Variants in SLC25A21 observed in about 807,000 individuals in gnomAD.
The protein encoded by SLC25A21 is solute carrier family 25 member 21.
Under a neutral mutation model 43.8 loss-of-function variants are expected in SLC25A21, and 47 were observed. The observed-to-expected ratio is 1.07, with a 90% CI of 0.85 to 1.37. The LOEUF (loss-of-function observed/expected upper bound fraction) is 1.37. Among genes scored for constraint, SLC25A21 ranks in the 40% most tolerant of loss-of-function variants. SLC25A21 has a pLI of 0.00. For synonymous variants in SLC25A21, 131 were observed against 121.3 expected, an observed-to-expected ratio of 1.08 and a Z score of -0.52; for missense variants, 352 against 350.2, an observed-to-expected ratio of 1.00 and a Z score of -0.04.
At chr14:36,935,386 T>C (rs1892396207) in intron 1 of SLC25A21, among the ~76,000 whole-genome samples, 1 of 152,182 alleles carries the variant, frequency 6.6e-6, no homozygotes, top group Admixed American at 6.5e-5. Flanking sequence ...CCAAGTTTAA[T>C]ATGGCAACTC....
chr14:37,004,926 AT>A (rs35750060), intron 1 of SLC25A21, among the ~76,000 whole-genome samples: 44,399 of 142,878 alleles, frequency 0.31, 8,055 homozygotes, highest in African/African-American at 0.54. Context: ...CAGGGAAGGA[AT>A]TTTTTTTTTT....
chr14:36,903,585 C>T (rs1382509423), intron 1 of SLC25A21, among the ~76,000 whole-genome samples: 1 of 115,110 alleles, frequency 8.7e-6, no homozygotes, highest in Non-Finnish European at 1.6e-5. Flanking sequence ...TGCATTCCAG[C>T]CTGGGTGACA....
At chr14:37,063,527 CA>C (rs1174006445) in intron 1 of SLC25A21, among the ~76,000 whole-genome samples, 3 of 151,784 alleles carry the variant, frequency 2.0e-5, no homozygotes, top group African/African-American at 7.3e-5. Flanking sequence ...TCCTTGAGCA[CA>C]GAGAAAGGCA....
chr14:37,121,105 AC>A (rs1408507214), intron 1 of SLC25A21, among the ~76,000 whole-genome samples: 1 of 152,192 alleles, frequency 6.6e-6, no homozygotes, highest in Admixed American at 6.5e-5. Flanking sequence ...GTGATCATGT[AC>A]CCTTTAAAAG....
chr14:36,852,120 C>T (rs536709996), intron 2 of SLC25A21, among the ~76,000 whole-genome samples: 3 of 152,168 alleles, frequency 2.0e-5, no homozygotes, highest in Admixed American at 2.0e-4. Context: ...GGGAACATAC[C>T]CTTTCTGATC....
intron 1 of SLC25A21, among the ~76,000 whole-genome samples, chr14:36,940,439 G>A (rs1892528626): frequency 1.3e-5 from 2 of 151,982 alleles, no homozygotes; most frequent in South Asian, 2.1e-4. Flanking sequence ...TGGTGGGATT[G>A]ACAGTATTTT....
intron 1 of SLC25A21, among the ~76,000 whole-genome samples, chr14:36,893,686 T>G (rs914728407): frequency 2.6e-5 from 4 of 152,164 alleles, no homozygotes; most frequent in African/African-American, 9.7e-5. Flanking sequence ...GGTCTAACAT[T>G]TAAGTCTTTA....
At chr14:36,906,709 T>C (rs1381444054) in intron 1 of SLC25A21, among the ~76,000 whole-genome samples, 1 of 152,050 alleles carries the variant, frequency 6.6e-6, no homozygotes, top group Non-Finnish European at 1.5e-5. Flanking sequence ...TATCACCATG[T>C]TGGCCAGGAT....
At chr14:37,096,253 G>A (rs58398434) in intron 1 of SLC25A21, among the ~76,000 whole-genome samples, 18,782 of 152,124 alleles carry the variant, frequency 0.12, 2,881 homozygotes, top group African/African-American at 0.36. Context: ...TATTGAAGTT[G>A]ATAACAGAAT....
At chr14:37,067,610 CA>C in intron 1 of SLC25A21, among the ~76,000 whole-genome samples, 1 of 151,680 alleles carries the variant, frequency 6.6e-6, no homozygotes, top group African/African-American at 2.4e-5. Context: ...TAATGACAAG[CA>C]AAAAAAGCAG....
In SLC25A21 at chr14:36,816,931, T is replaced by C. The variant is rs544043448; in HGVS notation, c.120-2930A>G. Among the ~76,000 whole-genome samples the C allele has an allele frequency of 4.7e-3, 667 of 142,338 alleles. 3 individuals carry two copies. Among genetic ancestry groups the C allele is most frequent in the Non-Finnish European group, 7.4e-3 (479 of 65,080 alleles). 93.4% of individuals were successfully genotyped at this position (142,338 alleles called of 152,430 possible). On this transcript the variant is annotated intron_variant, in intron 2 of 9. Coordinates refer to ENST00000331299, the MANE Select transcript of SLC25A21 (RefSeq NM_030631.4). ...TCATTGTAGAGTATAAAATCCTTTC[T>C]TACATCTAGTGGGAAAAACCAAGAC...
chr14:37,006,523 T>C (rs1394134398), intron 1 of SLC25A21, among the ~76,000 whole-genome samples: 2 of 152,038 alleles, frequency 1.3e-5, no homozygotes, highest in Non-Finnish European at 2.9e-5. Flanking sequence ...TTTGTAAGAA[T>C]AGAACCTCTA....
chr14:37,150,454 C>T (rs1427787255), intron 1 of SLC25A21, among the ~76,000 whole-genome samples: 2 of 152,190 alleles, frequency 1.3e-5, no homozygotes, highest in East Asian at 1.9e-4. Flanking sequence ...TTTTTCCATA[C>T]ATACACAGGT....
chr14:36,819,534 A>G (rs1888559499), intron 2 of SLC25A21, among the ~76,000 whole-genome samples: 1 of 152,154 alleles, frequency 6.6e-6, no homozygotes, highest in Non-Finnish European at 1.5e-5. Flanking sequence ...ACTTCTGAAG[A>G]TATGGCCAAA....
At chr14:36,876,716 A>G (rs1481609688) in intron 1 of SLC25A21, among the ~76,000 whole-genome samples, 1 of 152,038 alleles carries the variant, frequency 6.6e-6, no homozygotes, top group Non-Finnish European at 1.5e-5. Context: ...ACCCATGATG[A>G]TACCAGTTCC....
chr14:37,031,626 C>T (rs1343411405), intron 1 of SLC25A21, among the ~76,000 whole-genome samples: 1 of 152,088 alleles, frequency 6.6e-6, no homozygotes, highest in Admixed American at 6.5e-5. Context: ...GTAACCATAT[C>T]GAAAGCTAGG....
intron 1 of SLC25A21, among the ~76,000 whole-genome samples, chr14:36,908,880 G>T (rs1160479421): frequency 2.6e-5 from 4 of 152,074 alleles, no homozygotes; most frequent in Non-Finnish European, 5.9e-5. Context: ...AATGAAGAAG[G>T]TAACTAGCAT....
intron 7 of SLC25A21, among the ~76,000 whole-genome samples, chr14:36,698,105 C>T (rs1325767968): frequency 6.6e-6 from 1 of 152,082 alleles, no homozygotes; most frequent in Non-Finnish European, 1.5e-5. Context: ...GTAAGGCAGG[C>T]CTGGTGGTGA....
intron 2 of SLC25A21, among the ~76,000 whole-genome samples, chr14:36,817,423 T>C (rs1047159997): frequency 6.6e-6 from 1 of 152,026 alleles, no homozygotes; most frequent in South Asian, 2.1e-4. Context: ...ACAAGAACAA[T>C]GGCCAGTGAG....
Sources: gnomAD v4.1 joint callset for allele counts (sites outside exome capture counted in the v4.1 genomes callset) on GRCh38, gnomAD v4.1.1 for gene constraint, MANE v1.5 for transcripts, NCBI Gene and HGNC (gene_info 2026-07-23, HGNC 2026-07-21) for gene names.